The following CDH12 variants were observed in gnomAD, a reference collection of about 807,000 sequenced individuals.
CDH12 encodes cadherin 12, also known as cadherin-12.
In CDH12, 41 loss-of-function variants were observed where a neutral mutation model predicts 74.1. That is an observed-to-expected ratio of 0.55 (90% CI 0.43 to 0.72). The LOEUF (loss-of-function observed/expected upper bound fraction) is 0.72. Ranked by LOEUF, CDH12 falls within the 30% of genes least tolerant of loss-of-function variation. CDH12 has a pLI of 0.00. For synonymous variants in CDH12, 399 were observed against 355.0 expected (o/e 1.12, Z -1.39); for missense variants, 945 against 977.2 (o/e 0.97, Z 0.44).
intron 1 of CDH12, among the ~76,000 whole-genome samples, chr5:22,524,280 C>A (rs929221467): frequency 2.2e-4 from 33 of 152,164 alleles, no homozygotes; most frequent in African/African-American, 7.2e-4. Context: ...AGACACTGCA[C>A]CTGGCCTCAT....
chr5:21,976,360 G>A (rs1216945526), intron 5 of CDH12, among the ~76,000 whole-genome samples: 3 of 151,980 alleles, frequency 2.0e-5, no homozygotes, highest in African/African-American at 7.2e-5. Context: ...ATGCCGTAAG[G>A]CAGTGTTGTT....
chr5:22,844,880 T>G (rs1171374733), intron 1 of CDH12, among the ~76,000 whole-genome samples: 1 of 152,118 alleles, frequency 6.6e-6, no homozygotes, highest in Non-Finnish European at 1.5e-5. Flanking sequence ...GATTAAGTCA[T>G]TTAATTGCTA....
At chr5:21,874,970 C>T (rs1751851067) in intron 6 of CDH12, among the ~76,000 whole-genome samples, 1 of 152,150 alleles carries the variant, frequency 6.6e-6, no homozygotes, top group African/African-American at 2.4e-5. Flanking sequence ...TGGAAGTGGC[C>T]TGCCACCATC....
intron 6 of CDH12, among the ~76,000 whole-genome samples, chr5:21,929,062 A>G (rs1489111197): frequency 1.3e-5 from 2 of 151,960 alleles, no homozygotes; most frequent in Non-Finnish European, 2.9e-5. Flanking sequence ...TATGGTAATG[A>G]GAATACTATT....
intron 1 of CDH12, among the ~76,000 whole-genome samples, chr5:22,655,756 C>A (rs12521573): frequency 0.13 from 20,029 of 152,186 alleles, 2,009 homozygotes; most frequent in Admixed American, 0.32. Context: ...GCTGTCGCAT[C>A]TCTCACCACA....
rs141234289 is a variant in CDH12 at position 22,573,256 on chromosome 5, C to T, written c.-522-67892G>A. Among the ~76,000 whole-genome samples, 492 of 152,222 alleles carry T rather than the reference C, an allele frequency of 3.2e-3. 2 individuals carry two copies. Among genetic ancestry groups the T allele is most frequent in the Non-Finnish European group, 6.0e-3 (410 of 68,000 alleles). The stretch of plus-strand genomic sequence containing the variant: ...TTTTTGCAACATTTTCCTCTTTTTA[C>T]TCAGTGAATTTATATACATAAATCA... On this transcript the variant is annotated intron_variant, in intron 1 of 14. Transcript: ENST00000382254.
At chr5:21,879,478 T>C (rs1209640916) in intron 6 of CDH12, among the ~76,000 whole-genome samples, 1 of 152,196 alleles carries the variant, frequency 6.6e-6, no homozygotes, top group Non-Finnish European at 1.5e-5. Flanking sequence ...GATGCTACTT[T>C]AAAGTGTGTA....
chr5:22,542,497 G>A lies in CDH12; in HGVS notation c.-522-37133C>T, dbSNP rs78592713. 5.6e-4 allele frequency among the ~76,000 whole-genome samples: 85 copies of A among 152,200 alleles called. 3 individuals carry two copies. In the East Asian group the frequency reaches 0.015, roughly 28 times the overall value. On this transcript the variant is annotated intron_variant, in intron 1 of 14. Coordinates refer to ENST00000382254, the MANE Select transcript of CDH12 (RefSeq NM_004061.5). ...AATCACTAGGAGAGTACCCAGAAGT[G>A]GCTCTGGAATTAATGATCAGTTTGT...
intron 1 of CDH12, among the ~76,000 whole-genome samples, chr5:22,599,721 A>G (rs1561519478): frequency 6.6e-6 from 1 of 152,176 alleles, no homozygotes; most frequent in Non-Finnish European, 1.5e-5. Context: ...ACGTTAGTTT[A>G]TTATTTAAGT....
chr5:22,752,874 G>T (rs1745669454), intron 1 of CDH12, among the ~76,000 whole-genome samples: 2 of 151,842 alleles, frequency 1.3e-5, no homozygotes, highest in South Asian at 2.1e-4. Flanking sequence ...GCGCCCGGCA[G>T]GATACTTCTT....
intron 1 of CDH12, among the ~76,000 whole-genome samples, chr5:22,568,076 A>G (rs1465430413): frequency 1.3e-5 from 2 of 152,186 alleles, no homozygotes; most frequent in Non-Finnish European, 2.9e-5. Context: ...CATATAGAAG[A>G]CTTTGACTTT....
chr5:22,412,654 G>T (rs570997410), intron 2 of CDH12, among the ~76,000 whole-genome samples: 1 of 151,920 alleles, frequency 6.6e-6, no homozygotes, highest in East Asian at 1.9e-4. Context: ...GTTAAGTGAA[G>T]AAAAAGTCAT....
intron 1 of CDH12, among the ~76,000 whole-genome samples, chr5:22,848,973 C>T (rs1737427979): frequency 6.7e-6 from 1 of 149,614 alleles, no homozygotes; most frequent in African/African-American, 2.4e-5. Context: ...TGAGGACTCA[C>T]ATTTCATCAA....
chr5:21,767,118 C>T (rs1745070275), intron 11 of CDH12, among the ~76,000 whole-genome samples: 1 of 151,848 alleles, frequency 6.6e-6, no homozygotes, highest in South Asian at 2.1e-4. Flanking sequence ...ACTTAAACTA[C>T]TCAACATCTG....
chr5:22,764,809 A>G (rs529512656), intron 1 of CDH12, among the ~76,000 whole-genome samples: 1 of 152,150 alleles, frequency 6.6e-6, no homozygotes, highest in Admixed American at 6.6e-5. Flanking sequence ...CAGACAATCT[A>G]GAAAATAATT....
At chr5:22,701,764 A>G (rs762390860) in intron 1 of CDH12, among the ~76,000 whole-genome samples, 17 of 152,084 alleles carry the variant, frequency 1.1e-4, no homozygotes, top group Non-Finnish European at 1.9e-4. Flanking sequence ...TCACTACTCA[A>G]TCTAAACAAT....
chr5:22,292,341 G>GTTTTTTT (rs60010478), intron 3 of CDH12, among the ~76,000 whole-genome samples: 26 of 105,358 alleles, frequency 2.5e-4, no homozygotes, highest in African/African-American at 6.9e-4. Context: ...TTTGGTTTTT[G>GTTTTTTT]TTTTTTTTTT....
chr5:22,512,030 G>A (rs1270044039), intron 1 of CDH12, among the ~76,000 whole-genome samples: 2 of 151,650 alleles, frequency 1.3e-5, no homozygotes, highest in Non-Finnish European at 2.9e-5. Context: ...GTAGTTCAAG[G>A]TTTGCTTTAT....
chr5:22,653,011 T>C lies in CDH12; in HGVS notation c.-522-147647A>G, dbSNP rs114031349. On this transcript the variant is annotated intron_variant, in intron 1 of 14. Transcript: ENST00000382254. The stretch of plus-strand genomic sequence containing the variant: ...GGGGGAACACTAAACACTTGTAATA[T>C]ACTCACTTTCTGTAAGCCCATAAAC... 8.0e-3 allele frequency among the ~76,000 whole-genome samples: 1,220 copies of C among 152,294 alleles called. 14 individuals are homozygous for C. Among genetic ancestry groups the C allele is most frequent in the African/African-American group, 0.028 (1,180 of 41,560 alleles).
Sources: allele counts gnomAD v4.1 joint callset (sites outside exome capture counted in the v4.1 genomes callset), GRCh38; gene constraint gnomAD v4.1.1; transcripts MANE v1.5; gene names NCBI Gene and HGNC (gene_info 2026-07-23, HGNC 2026-07-21).